The following TMLHE variants were observed in gnomAD, a reference collection of about 807,000 sequenced individuals.
TMLHE encodes the protein trimethyllysine hydroxylase, epsilon.
Under a neutral mutation model 25.7 loss-of-function variants are expected in TMLHE, and 18 were observed. That is an observed-to-expected ratio of 0.70 (90% CI 0.48 to 1.04). The LOEUF is 1.04. TMLHE is among the 50% of genes least tolerant of loss of function. The pLI, the probability that TMLHE is intolerant of heterozygous loss-of-function variation, is 0.00. For missense variants in TMLHE, 236 were observed against 259.0 expected (o/e 0.91, Z 0.61); for synonymous variants, 105 against 97.0 (o/e 1.08, Z -0.49).
chrX:155,553,981 T>TATTC (rs56360611), intron 1 of TMLHE, among the ~76,000 whole-genome samples: 4,394 of 99,702 alleles, frequency 0.044, 128 homozygotes, highest in Non-Finnish European at 0.06. Flanking sequence ...TTACTATTTT[T>TATTC]ATTCATTCAT....
At chrX:155,556,712 G>C (rs1161102505) in intron 1 of TMLHE, among the ~76,000 whole-genome samples, 2 of 109,979 alleles carry the variant, frequency 1.8e-5, no homozygotes, top group Non-Finnish European at 3.8e-5. Flanking sequence ...CAGGGGACAG[G>C]GTTTTGAGAT....
intron 1 of TMLHE, among the ~76,000 whole-genome samples, chrX:155,556,587 A>G (rs782137291): frequency 1.3e-3 from 137 of 109,276 alleles, no homozygotes; most frequent in African/African-American, 4.4e-3. Context: ...TTAACAGGGT[A>G]ATAGAATATC....
At chrX:155,610,971 G>T (rs1177065089) in intron 1 of TMLHE, among the ~76,000 whole-genome samples, 97 of 111,782 alleles carry the variant, frequency 8.7e-4, no homozygotes, top group Non-Finnish European at 1.5e-3. Context: ...AGAGTATGAT[G>T]AATAGAGTGA....
intron 1 of TMLHE, chrX:155,612,442 C>T (rs2067830104): frequency 8.9e-6 from 1 of 112,092 alleles, no homozygotes; most frequent in African/African-American, 3.3e-5. Context: ...AGATCCAGGG[C>T]TGTAAAGTCC....
At chrX:155,578,583 T>G (rs782246154) in intron 1 of TMLHE, among the ~76,000 whole-genome samples, 2 of 111,716 alleles carry the variant, frequency 1.8e-5, no homozygotes, top group East Asian at 2.8e-4. Flanking sequence ...ACCACATAGG[T>G]TGTAGGAGGA....
At chrX:155,524,387 C>A in intron 3 of TMLHE, 69 bp downstream of exon 3, 8 of 931,694 alleles carry the variant, frequency 8.6e-6, no homozygotes, top group Non-Finnish European at 9.8e-6. Context: ...AGGAACAAAC[C>A]ATTTTCCACA....
At chrX:155,509,876 G>T (rs1245245941) in intron 5 of TMLHE, among the ~76,000 whole-genome samples, 3 of 111,901 alleles carry the variant, frequency 2.7e-5, no homozygotes, top group African/African-American at 9.7e-5. Flanking sequence ...AATAACCACA[G>T]AGGTGCCTCT....
At chrX:155,600,686 C>T (rs2067750637) in intron 1 of TMLHE, among the ~76,000 whole-genome samples, 1 of 111,963 alleles carries the variant, frequency 8.9e-6, no homozygotes, top group Non-Finnish European at 1.9e-5. Flanking sequence ...CCTACATATC[C>T]CTAGGGGTCT....
At chrX:155,553,563 T>C (rs2067428701) in intron 1 of TMLHE, among the ~76,000 whole-genome samples, 1 of 110,319 alleles carries the variant, frequency 9.1e-6, no homozygotes, top group South Asian at 3.8e-4. Context: ...CTTTCCATTT[T>C]ATATATCTCT....
At chrX:155,528,650 C>G (rs2067233155) in intron 2 of TMLHE, among the ~76,000 whole-genome samples, 1 of 111,782 alleles carries the variant, frequency 8.9e-6, no homozygotes, top group African/African-American at 3.3e-5. Context: ...CAAGTTGCTG[C>G]AAAATACATT....
chrX:155,566,229 T>G (rs2067511261), intron 1 of TMLHE, among the ~76,000 whole-genome samples: 1 of 61,585 alleles, frequency 1.6e-5, no homozygotes, highest in Admixed American at 1.9e-4. Flanking sequence ...CATTCTTAAT[T>G]TGAAGAAACA....
intron 1 of TMLHE, among the ~76,000 whole-genome samples, chrX:155,559,289 C>T (rs1323471498): frequency 9.0e-6 from 1 of 111,009 alleles, no homozygotes; most frequent in African/African-American, 3.3e-5. Context: ...CCTTATCCTT[C>T]CAAATACTAA....
intron 1 of TMLHE, among the ~76,000 whole-genome samples, chrX:155,580,098 G>A (rs1390340087): frequency 1.8e-5 from 2 of 111,578 alleles, no homozygotes; most frequent in African/African-American, 6.5e-5. Context: ...GTTCTCAGCA[G>A]CCAGCACTCA....
chrX:155,531,991 A>C (rs2067251511), intron 2 of TMLHE, among the ~76,000 whole-genome samples: 1 of 112,036 alleles, frequency 8.9e-6, no homozygotes, highest in Non-Finnish European at 1.9e-5. Context: ...AAGTAAAAAT[A>C]AAACCTGAGC....
intron 2 of TMLHE, among the ~76,000 whole-genome samples, chrX:155,535,573 C>A (rs1252282672): frequency 3.6e-5 from 4 of 112,259 alleles, no homozygotes; most frequent in Non-Finnish European, 1.9e-5. Context: ...TTGGAGAAAA[C>A]ACATTCAGTC....
At chrX:155,522,449 A>G (rs1267633055) in intron 3 of TMLHE, among the ~76,000 whole-genome samples, 1 of 111,976 alleles carries the variant, frequency 8.9e-6, no homozygotes, top group Non-Finnish European at 1.9e-5. Flanking sequence ...GCATAGCTCT[A>G]TGCAGTGTAA....
intron 1 of TMLHE, among the ~76,000 whole-genome samples, chrX:155,549,306 A>G (rs1372845544): frequency 9.1e-6 from 1 of 110,460 alleles, no homozygotes; most frequent in African/African-American, 3.3e-5. Context: ...ATCTTAGGGG[A>G]AAACATTCTA....
chrX:155,508,379 A>G (rs1364403080), intron 5 of TMLHE, among the ~76,000 whole-genome samples: 2 of 111,508 alleles, frequency 1.8e-5, no homozygotes, highest in African/African-American at 6.5e-5. Context: ...TTAAAAAGAG[A>G]AAGGTAAGCC....
intron 2 of TMLHE, among the ~76,000 whole-genome samples, chrX:155,527,783 C>G (rs2067228221): frequency 9.0e-6 from 1 of 111,695 alleles, no homozygotes; most frequent in Admixed American, 9.5e-5. Context: ...GTAGGAAAGG[C>G]TGTTTTAATA....
Sources: allele counts gnomAD v4.1 joint callset (sites outside exome capture counted in the v4.1 genomes callset), GRCh38; gene constraint gnomAD v4.1.1; transcripts MANE v1.5; gene names NCBI Gene and HGNC (gene_info 2026-07-23, HGNC 2026-07-21).